BMPR1A: variants seen among roughly 807,000 people sequenced by gnomAD.
BMPR1A encodes bone morphogenetic protein receptor type 1A.
A neutral mutation model predicts 66.0 loss-of-function variants in BMPR1A; 7 were observed. The observed-to-expected ratio is 0.11, with a 90% CI of 0.06 to 0.20. BMPR1A has a LOEUF of 0.20. Among genes scored for constraint, BMPR1A ranks in the 10% least tolerant of loss-of-function variants. The pLI is 1.00. For synonymous variants in BMPR1A, 200 were observed against 229.7 expected, an observed-to-expected ratio of 0.87 and a Z score of 1.17; for missense variants, 408 against 669.1, an observed-to-expected ratio of 0.61 and a Z score of 4.31.
At chr10:86,762,596 T>A (rs7096388) in intron 1 of BMPR1A, among the ~76,000 whole-genome samples, 1 of 152,102 alleles carries the variant, frequency 6.6e-6, no homozygotes, top group East Asian at 1.9e-4. Flanking sequence ...TGACCTCAGG[T>A]GATCCTTCCG....
intron 7 of BMPR1A, among the ~76,000 whole-genome samples, chr10:86,903,738 A>G (rs1413233552): frequency 6.6e-6 from 1 of 151,726 alleles, no homozygotes; most frequent in Non-Finnish European, 1.5e-5. Context: ...CAGCCTTCCG[A>G]GTAGCTGGGA....
intron 3 of BMPR1A, among the ~76,000 whole-genome samples, chr10:86,880,629 A>G (rs1842974927): frequency 6.6e-6 from 1 of 152,174 alleles, no homozygotes; most frequent in Non-Finnish European, 1.5e-5. Flanking sequence ...TTTCTTAGCC[A>G]TATATTTTTA....
intron 2 of BMPR1A, among the ~76,000 whole-genome samples, chr10:86,841,638 A>G (rs1032630605): frequency 1.3e-5 from 2 of 152,172 alleles, no homozygotes; most frequent in African/African-American, 4.8e-5. Flanking sequence ...AAATCCTTGA[A>G]ACCTCTGAAG....
At chr10:86,847,036 G>T (rs1352991873) in intron 2 of BMPR1A, among the ~76,000 whole-genome samples, 1 of 152,022 alleles carries the variant, frequency 6.6e-6, no homozygotes, top group Non-Finnish European at 1.5e-5. Context: ...TGTATTTTTA[G>T]TAGAGATGGG....
chr10:86,814,609 T>TG lies in BMPR1A; in HGVS notation c.-267-24255dup, dbSNP rs577586439. ...TCACATTTCTGAGTTTCTTCTGTTCTGATGTTGTTTTTCATGCTTTATATA... is the reference window on the plus strand; with the variant it reads ...TCACATTTCTGAGTTTCTTCTGTTCTGGATGTTGTTTTTCATGCTTTATATA... On this transcript the variant is annotated intron_variant, in intron 1 of 12. Transcript: ENST00000372037. Among the ~76,000 whole-genome samples the TG allele has an allele frequency of 4.2e-3, 637 of 152,278 alleles. 2 individuals are homozygous for TG. The highest frequency in any genetic ancestry group is 6.5e-3 in the Non-Finnish European group (439 of 68,018).
intron 2 of BMPR1A, among the ~76,000 whole-genome samples, chr10:86,865,535 G>C (rs962524565): frequency 2.0e-5 from 3 of 152,154 alleles, no homozygotes; most frequent in Non-Finnish European, 2.9e-5. Flanking sequence ...CTGCACCCAG[G>C]TGATTAAAAG....
Position 86,892,226 on chromosome 10 carries a change from C to T in BMPR1A, c.330C>T (p.Cys110=). ...AATATGAAGGATCTGATTTTCAGTG[C>T]AAAGTAAGATATAATTTGGGACCCA... ...CMKYEGSDFQ[C]KDSPKAQLRR... is the part of the protein sequence containing the mutation. Residue 110 remains cysteine, a synonymous_variant, in exon 5 of 13, where the codon TGC becomes TGT. Coordinates refer to ENST00000372037, the MANE Select transcript of BMPR1A (RefSeq NM_004329.3). The T allele has an allele frequency of 6.2e-7, 1 of 1,611,232 alleles. No homozygotes were observed. The highest frequency in any genetic ancestry group is 8.5e-7 in the Non-Finnish European group (1 of 1,177,608).
chr10:86,849,916 T>C (rs994801243), intron 2 of BMPR1A, among the ~76,000 whole-genome samples: 1 of 152,156 alleles, frequency 6.6e-6, no homozygotes, highest in Non-Finnish European at 1.5e-5. Flanking sequence ...GCTAACACAG[T>C]GTATGAACAA....
chr10:86,805,650 A>T (rs1051388082), intron 1 of BMPR1A, among the ~76,000 whole-genome samples: 2 of 151,742 alleles, frequency 1.3e-5, no homozygotes, highest in Non-Finnish European at 1.5e-5. Flanking sequence ...TTTAGTAGAG[A>T]CGGGGTTTTG....
intron 7 of BMPR1A, among the ~76,000 whole-genome samples, chr10:86,911,095 C>T (rs546208813): frequency 1.4e-5 from 2 of 141,496 alleles, no homozygotes; most frequent in Admixed American, 1.5e-4. Context: ...GTTGAAGCTT[C>T]AGTGAGCTGA....
chr10:86,870,914 C>T (rs781060551), intron 2 of BMPR1A, among the ~76,000 whole-genome samples: 24 of 152,130 alleles, frequency 1.6e-4, no homozygotes, highest in Non-Finnish European at 1.6e-4. Context: ...CAGTCCATTA[C>T]GTAGAAGTCA....
At chr10:86,886,733 A>AT (rs1255435049) in intron 3 of BMPR1A, among the ~76,000 whole-genome samples, 4 of 151,048 alleles carry the variant, frequency 2.6e-5, no homozygotes, top group Admixed American at 2.6e-4. Flanking sequence ...TGTAGCTTAG[A>AT]TTTCATTACT....
At chr10:86,911,060 T>C (rs1843474169) in intron 7 of BMPR1A, among the ~76,000 whole-genome samples, 1 of 144,380 alleles carries the variant, frequency 6.9e-6, no homozygotes, top group African/African-American at 2.6e-5. Context: ...GAGGCTGAGG[T>C]GGGAGGATCA....
At chr10:86,909,318 T>C (rs960662195) in intron 7 of BMPR1A, among the ~76,000 whole-genome samples, 2 of 152,096 alleles carry the variant, frequency 1.3e-5, no homozygotes, top group African/African-American at 2.4e-5. Context: ...GAGGGCCAGC[T>C]GTGGTGGCTC....
intron 1 of BMPR1A, among the ~76,000 whole-genome samples, chr10:86,808,094 T>C (rs1419115755): frequency 6.6e-6 from 1 of 152,220 alleles, no homozygotes; most frequent in Non-Finnish European, 1.5e-5. Context: ...TTAATAGATA[T>C]AGGCCTATTT....
intron 7 of BMPR1A, among the ~76,000 whole-genome samples, chr10:86,904,336 T>G (rs1166876357): frequency 1.3e-5 from 2 of 152,176 alleles, no homozygotes; most frequent in African/African-American, 4.8e-5. Flanking sequence ...AAAGAAATGT[T>G]AAATGAAACA....
At chr10:86,875,237 G>T (rs1842906326) in intron 2 of BMPR1A, among the ~76,000 whole-genome samples, 1 of 152,050 alleles carries the variant, frequency 6.6e-6, no homozygotes, top group African/African-American at 2.4e-5. Context: ...GCCGAGTGTG[G>T]TGGTGCACAC....
At chr10:86,894,223 C>T (rs750963359) in intron 5 of BMPR1A, among the ~76,000 whole-genome samples, 23 of 152,200 alleles carry the variant, frequency 1.5e-4, no homozygotes, top group Non-Finnish European at 1.6e-4. Flanking sequence ...GCCTTCTGTC[C>T]GCTGAAGTCC....
chr10:86,907,717 T>C (rs1564720514), intron 7 of BMPR1A, among the ~76,000 whole-genome samples: 1 of 152,176 alleles, frequency 6.6e-6, no homozygotes, highest in Non-Finnish European at 1.5e-5. Context: ...AAGCCAGTCA[T>C]AGACAAATAT....
Sources: gnomAD v4.1 joint callset for allele counts (sites outside exome capture counted in the v4.1 genomes callset) on GRCh38, gnomAD v4.1.1 for gene constraint, MANE v1.5 for transcripts, NCBI Gene and HGNC (gene_info 2026-07-23, HGNC 2026-07-21) for gene names.